Variants in ZNF274 observed in about 807,000 individuals in gnomAD.
ZNF274 encodes the protein zinc finger protein 274.
ZNF274 carries 23 observed loss-of-function variants against 42.5 expected under a neutral mutation model. The observed-to-expected ratio is 0.54, with a 90% CI of 0.39 to 0.77. ZNF274 has a LOEUF of 0.77. Ranked by LOEUF, ZNF274 falls within the 30% of genes least tolerant of loss-of-function variation. ZNF274 has a pLI of 0.00. For synonymous variants in ZNF274, 292 were observed against 305.4 expected, an observed-to-expected ratio of 0.96 and a Z score of 0.46; for missense variants, 679 against 806.5, an observed-to-expected ratio of 0.84 and a Z score of 1.91.
chr19:58,207,276 C>T lies in ZNF274; in HGVS notation c.739+74C>T, dbSNP rs1187058952. The T allele has an allele frequency of 1.3e-6, 2 of 1,497,442 alleles. No individual in the cohort carries two copies. Among genetic ancestry groups the T allele is most frequent in the Non-Finnish European group, 1.8e-6 (2 of 1,123,014 alleles). The allele number at this position is 1,497,442 out of a possible 1,614,324, so 92.8% of individuals were successfully genotyped here. ...GTACCCTGTGGGGGAGATAAGAACT[C>T]CAGGCTTCCTAGGAAGGTCATGGGA... On this transcript the variant is annotated intron_variant, in intron 5 of 7. Transcript: ENST00000617501. The surrounding 1 kb of genome is among the most constrained non-coding windows in gnomAD (Gnocchi z 5.6).
chr19:58,184,184 G>A (rs759497205), intron 2 of ZNF274, 186 bp downstream of exon 2: 1 of 634,486 alleles, frequency 1.6e-6, no homozygotes, highest in African/African-American at 1.8e-5. Context: ...GTTTTCCAAG[G>A]GTGTAGTTAG....
chr19:58,202,091 G>C (rs1482204872), intron 4 of ZNF274: 1 of 152,272 alleles, frequency 6.6e-6, no homozygotes, highest in Non-Finnish European at 1.5e-5. Flanking sequence ...TCCAGACAAG[G>C]AGGAAAAGTG....
At chr19:58,201,974 T>G (rs750522426) in intron 4 of ZNF274, among the ~76,000 whole-genome samples, 1 of 152,142 alleles carries the variant, frequency 6.6e-6, no homozygotes, top group African/African-American at 2.4e-5. Flanking sequence ...AAGTCCCAGT[T>G]GGCAGCCTCA....
At chr19:58,186,150 A>G (rs1400095990) in intron 3 of ZNF274, 1 of 168,758 alleles carries the variant, frequency 5.9e-6, no homozygotes, top group African/African-American at 2.4e-5. Flanking sequence ...TGAGACCAGC[A>G]TGGGCAACAT....
intron 4 of ZNF274, among the ~76,000 whole-genome samples, chr19:58,204,739 C>A (rs925629330): frequency 6.6e-6 from 1 of 152,112 alleles, no homozygotes; most frequent in Non-Finnish European, 1.5e-5. Context: ...TACAACACTA[C>A]CCGTTCTTCC....
intron 4 of ZNF274, among the ~76,000 whole-genome samples, chr19:58,190,936 A>G (rs935224633): frequency 2.6e-5 from 4 of 151,638 alleles, no homozygotes; most frequent in South Asian, 2.1e-4. Flanking sequence ...CCAACCCCCA[A>G]CCTTTCTGGG....
At chr19:58,193,470 T>TC (rs2075802956) in intron 4 of ZNF274, among the ~76,000 whole-genome samples, 1 of 64,256 alleles carries the variant, frequency 1.6e-5, no homozygotes, top group African/African-American at 6.8e-5. Context: ...TTTTTTTTTT[T>TC]GGAGAGTCTC....
rs775717677 is a variant in ZNF274, at chr19:58,206,875, C to A, written c.412C>A (p.Leu138Met). 23 of 1,613,796 alleles carry A rather than the reference C, an allele frequency of 1.4e-5. No homozygotes were observed. Residue 138 changes from leucine (L) to methionine (M), a missense_variant, in exon 5 of 8, where the codon CTG becomes ATG. Leu to Met is a conservative substitution (Grantham distance 15). Coordinates refer to ENST00000617501, the MANE Select transcript of ZNF274 (RefSeq NM_133502.3). ...IQALYAEDGS[L>M]SADAPSEQVQ... ...GGCCCTATATGCTGAAGATGGAAGCCTGAGTGCAGATGCCCCCAGTGAGCA... is the reference window on the plus strand; with the variant it reads ...GGCCCTATATGCTGAAGATGGAAGCATGAGTGCAGATGCCCCCAGTGAGCA...
At chr19:58,189,695 A>G (rs1286017848) in intron 4 of ZNF274, among the ~76,000 whole-genome samples, 1 of 152,172 alleles carries the variant, frequency 6.6e-6, no homozygotes, top group Non-Finnish European at 1.5e-5. Flanking sequence ...GTCAGTGTTC[A>G]TTGAGAAAAT....
intron 1 of ZNF274, 153 bp downstream of exon 1, chr19:58,183,595 G>C (rs930923740): frequency 4.9e-6 from 1 of 204,628 alleles, no homozygotes; most frequent in Non-Finnish European, 1.0e-5. Flanking sequence ...CTGTGGGATG[G>C]GGTCGGTGAC....
intron 4 of ZNF274, among the ~76,000 whole-genome samples, chr19:58,190,151 CT>C (rs527745785): frequency 0.18 from 23,432 of 130,634 alleles, 2,182 homozygotes; most frequent in Middle Eastern, 0.32. Context: ...TTATCTCTCT[CT>C]TTTTTTTTTT....
intron 4 of ZNF274, among the ~76,000 whole-genome samples, chr19:58,195,414 AG>A (rs2075830182): frequency 6.8e-6 from 1 of 147,008 alleles, no homozygotes; most frequent in Non-Finnish European, 1.5e-5. Context: ...AGACCTAAGA[AG>A]GAGATCCACA....
chr19:58,184,034 A>G (rs546515119), intron 2 of ZNF274, 36 bp downstream of exon 2: 55 of 1,577,120 alleles, frequency 3.5e-5, no homozygotes, highest in East Asian at 7.0e-5. Flanking sequence ...TGAGTCCGCT[A>G]CTGCACCTGG....
rs769152628 is a variant in ZNF274, at chr19:58,207,047, G to T, written c.584G>T (p.Arg195Leu). 6.2e-7 allele frequency: 1 copy of T among 1,613,004 alleles called. No individual in the cohort carries two copies. Among genetic ancestry groups the T allele is most frequent in the African/African-American group, 1.3e-5 (1 of 75,048 alleles). The change falls in exon 5 of 8, where the codon CGC becomes CTC. Residue 195 changes from arginine to leucine, a missense_variant. Around this residue, in one of 2 missense-constraint regions of ZNF274, gnomAD observed 456 missense variants for 590.1 expected, o/e 0.77. Coordinates refer to ENST00000617501, the MANE Select transcript of ZNF274 (RefSeq NM_133502.3). The surrounding 1 kb of genome is among the most constrained non-coding windows in gnomAD (Gnocchi z 5.6). Reference sequence around the variant, plus strand: ...CACCAGTGGCTACAGCCTAAGGCACGCTCCAAGGAGCAGATCCTGGAGCTG... The same window carrying T: ...CACCAGTGGCTACAGCCTAAGGCACTCTCCAAGGAGCAGATCCTGGAGCTG... ...LCHQWLQPKA[R>L]SKEQILELLV...
At position 58,207,837 on chromosome 19, in the gene ZNF274, TC is replaced by T. The variant is rs2075995684; in HGVS notation, c.739+636del. Among the ~76,000 whole-genome samples the T allele has an allele frequency of 6.6e-6, 1 of 152,158 alleles. No homozygotes were observed. Among genetic ancestry groups the T allele is most frequent in the South Asian group, 2.1e-4 (1 of 4,830 alleles). On this transcript the variant is annotated intron_variant, in intron 5 of 7. Transcript: ENST00000617501. This position sits in a 1 kb window ranked among gnomAD's most constrained non-coding sequence, Gnocchi z 5.6. The stretch of plus-strand genomic sequence containing the variant: ...TTAGTCCTAAAGCAAAGCAAAATGT[TC>T]TTCTAAAACAGTAGGGCTCGATCCC...
At chr19:58,188,694 G>GTGTATA (rs1555816897) in intron 4 of ZNF274, among the ~76,000 whole-genome samples, 22 of 74,656 alleles carry the variant, frequency 2.9e-4, no homozygotes, top group Admixed American at 2.4e-3. Flanking sequence ...ATATGTATAT[G>GTGTATA]TATATATATA....
chr19:58,199,292 G>C (rs927264791), intron 4 of ZNF274, among the ~76,000 whole-genome samples: 2 of 152,010 alleles, frequency 1.3e-5, no homozygotes, highest in Non-Finnish European at 2.9e-5. Flanking sequence ...ATTGAACCCG[G>C]GAGGCGGAGG....
chr19:58,189,117 T>A (rs2075748395), intron 4 of ZNF274, among the ~76,000 whole-genome samples: 2 of 152,132 alleles, frequency 1.3e-5, no homozygotes, highest in African/African-American at 4.8e-5. Context: ...AGTTCATATA[T>A]TTTCTCATTT....
intron 4 of ZNF274, among the ~76,000 whole-genome samples, chr19:58,188,700 A>G (rs71333249): frequency 9.1e-4 from 78 of 85,548 alleles, no homozygotes; most frequent in South Asian, 4.6e-3. Flanking sequence ...ATATGTATAT[A>G]TATATATATA....
Sources: allele counts gnomAD v4.1 joint callset (sites outside exome capture counted in the v4.1 genomes callset), GRCh38; gene constraint gnomAD v4.1.1; regional missense constraint gnomAD v4.1.1; non-coding constraint Gnocchi (gnomAD v3.1); transcripts MANE v1.5; gene names NCBI Gene and HGNC (gene_info 2026-07-23, HGNC 2026-07-21).